PCDHA4: variants seen among roughly 807,000 people sequenced by gnomAD.
PCDHA4 encodes the protein protocadherin alpha 4.
PCDHA4 carries 49 observed loss-of-function variants against 61.4 expected under a neutral mutation model. That is an observed-to-expected ratio of 0.80 (90% CI 0.63 to 1.01). PCDHA4 has a LOEUF of 1.01. PCDHA4 is among the 50% of genes least tolerant of loss of function. The pLI is 0.00. For missense variants in PCDHA4, 1,254 were observed against 1,235.8 expected (o/e 1.01, Z -0.22); for synonymous variants, 590 against 550.3 (o/e 1.07, Z -1.01).
At chr5:140,928,374 C>A in intron 1 of PCDHA4, 1 of 1,614,172 alleles carries the variant, frequency 6.2e-7, no homozygotes, top group Non-Finnish European at 8.5e-7. Context: ...GGCCATCAGC[C>A]TCTAGCTTGC....
intron 1 of PCDHA4, among the ~76,000 whole-genome samples, chr5:140,905,599 G>A (rs782355615): frequency 2.0e-5 from 3 of 152,096 alleles, no homozygotes; most frequent in Non-Finnish European, 2.9e-5. Context: ...GCTGGGAATT[G>A]CATTGAATCT....
chr5:140,815,446 C>T (rs1765729600), intron 1 of PCDHA4: 1 of 152,060 alleles, frequency 6.6e-6, no homozygotes, highest in Non-Finnish European at 1.5e-5. Context: ...TTACTACAAT[C>T]ACAAAACAAA....
In PCDHA4 at chr5:140,843,704, C is replaced by T. The variant is rs930917896; in HGVS notation, c.2385+34132C>T. On this transcript the variant is annotated intron_variant, in intron 1 of 3. Transcript: ENST00000530339. ...CGAAGAGCAAGATTTAAATGTTGAT[C>T]ATGGCCTCAAAGTAAGTCCATTTAA... The T allele has an allele frequency of 1.2e-5, 19 of 1,580,086 alleles. 1 individual carries two copies. The highest frequency in any genetic ancestry group is 1.7e-5 in the Non-Finnish European group (19 of 1,151,352).
intron 1 of PCDHA4, among the ~76,000 whole-genome samples, chr5:140,897,805 A>G (rs1216400632): frequency 6.6e-6 from 1 of 152,172 alleles, no homozygotes; most frequent in Non-Finnish European, 1.5e-5. Context: ...AGTCCCACCA[A>G]CAGTGTAAAA....
At position 140,849,854 on chromosome 5, in the gene PCDHA4, A is replaced by T. The variant is rs1431626107; in HGVS notation, c.2385+40282A>T. 3.8e-6 allele frequency: 6 copies of T among 1,598,364 alleles called. 1 individual carries two copies. Among genetic ancestry groups the T allele is most frequent in the East Asian group, 2.2e-5 (1 of 44,850 alleles). On this transcript the variant is annotated intron_variant, in intron 1 of 3. Coordinates refer to ENST00000530339, the MANE Select transcript of PCDHA4 (RefSeq NM_018907.4). ...TGGCCGACGTGAACGACAACGCACC[A>T]GCGTTCGCGCAGTCCGAGTACACGG...
intron 1 of PCDHA4, among the ~76,000 whole-genome samples, chr5:140,962,051 T>G (rs1352018533): frequency 6.6e-6 from 1 of 151,838 alleles, no homozygotes; most frequent in East Asian, 1.9e-4. Context: ...GCCTGGCTAA[T>G]TTTTTTGTAT....
intron 1 of PCDHA4, among the ~76,000 whole-genome samples, chr5:140,944,665 A>G (rs782357699): frequency 1.1e-4 from 17 of 152,138 alleles, no homozygotes; most frequent in Non-Finnish European, 2.5e-4. Flanking sequence ...CCCCTTATTT[A>G]TCTATTCTGT....
chr5:140,959,578 A>G (rs1554224156), intron 1 of PCDHA4, among the ~76,000 whole-genome samples: 1 of 152,188 alleles, frequency 6.6e-6, no homozygotes, highest in Non-Finnish European at 1.5e-5. Flanking sequence ...TTTTGTTTCA[A>G]TTCTATCAGC....
chr5:140,869,346 T>C (rs781810947), intron 1 of PCDHA4: 4 of 1,614,054 alleles, frequency 2.5e-6, no homozygotes, highest in Non-Finnish European at 2.5e-6. Context: ...ATCTGCAGAA[T>C]GGCATTTTGT....
intron 1 of PCDHA4, among the ~76,000 whole-genome samples, chr5:140,909,547 C>T (rs2074573960): frequency 1.3e-5 from 2 of 152,278 alleles, no homozygotes; most frequent in Non-Finnish European, 2.9e-5. Context: ...GATGGTGGCA[C>T]TAATCTCTGC....
chr5:140,877,634 T>C, intron 1 of PCDHA4: 1 of 1,613,738 alleles, frequency 6.2e-7, no homozygotes, highest in Non-Finnish European at 8.5e-7. Context: ...TACACTGCGC[T>C]GCGTTGCTCA....
At position 140,957,203 on chromosome 5, in the gene PCDHA4, A is replaced by T. The variant is rs921844658; in HGVS notation, c.2386-21746A>T. 3.3e-5 allele frequency among the ~76,000 whole-genome samples: 5 copies of T among 152,184 alleles called. 1 individual carries two copies. In the South Asian group the frequency reaches 6.2e-4, roughly 19 times the overall value. ...TATTGATGACCGATTGGGAATATAAATAGGCACAAAAATTTGGCGAAGCAT... is the reference window on the plus strand; with the variant it reads ...TATTGATGACCGATTGGGAATATAATTAGGCACAAAAATTTGGCGAAGCAT... On this transcript the variant is annotated intron_variant, in intron 1 of 3. Transcript: ENST00000530339.
intron 1 of PCDHA4, chr5:140,851,511 T>C (rs2042080638): frequency 2.8e-5 from 25 of 901,700 alleles, no homozygotes; most frequent in Non-Finnish European, 3.2e-5. Flanking sequence ...ATATAAAATA[T>C]GTTTTAAAAT....
chr5:140,863,406 G>T, intron 1 of PCDHA4: 1 of 800,564 alleles, frequency 1.2e-6, no homozygotes, highest in South Asian at 1.3e-5. Flanking sequence ...GCAAGCCCAC[G>T]CTGGTGTACC....
intron 1 of PCDHA4, among the ~76,000 whole-genome samples, chr5:140,970,168 G>T (rs1050888983): frequency 6.6e-6 from 1 of 152,168 alleles, no homozygotes; most frequent in Non-Finnish European, 1.5e-5. Context: ...ACCTTTCTTG[G>T]CATACTCTGA....
intron 1 of PCDHA4, chr5:140,883,270 T>C: frequency 6.2e-7 from 1 of 1,614,106 alleles, no homozygotes; most frequent in Non-Finnish European, 8.5e-7. Flanking sequence ...CGGGTCATTG[T>C]ACCCTTTTGG....
chr5:141,004,037 G>C (rs946974688), intron 3 of PCDHA4, among the ~76,000 whole-genome samples: 1 of 152,200 alleles, frequency 6.6e-6, no homozygotes, highest in African/African-American at 2.4e-5. Context: ...TTCCTTGATT[G>C]ATCATTTGCT....
chr5:140,999,987 G>T (rs1033618024), intron 3 of PCDHA4, among the ~76,000 whole-genome samples: 6 of 152,042 alleles, frequency 3.9e-5, no homozygotes, highest in Non-Finnish European at 7.4e-5. Context: ...CGGCCTCTGG[G>T]TAGTGGTATT....
In PCDHA4 at chr5:140,853,662, T is replaced by C. The variant is rs1319921056; in HGVS notation, c.2385+44090T>C. The C allele has an allele frequency of 3.4e-5, 34 of 988,522 alleles. 1 individual carries two copies. In the African/African-American group the frequency reaches 3.9e-4, roughly 11 times the overall value. 61.2% of individuals were successfully genotyped at this position (988,522 alleles called of 1,614,324 possible). ...CTAAATTGAGCCTGTTCCAGACAAA[T>C]TGGGGCCTATGGTCAACCTATCCTT... On this transcript the variant is annotated intron_variant, in intron 1 of 3. Coordinates refer to ENST00000530339, the MANE Select transcript of PCDHA4 (RefSeq NM_018907.4).
Sources: gnomAD v4.1 joint callset for allele counts (sites outside exome capture counted in the v4.1 genomes callset) on GRCh38, gnomAD v4.1.1 for gene constraint, MANE v1.5 for transcripts, NCBI Gene and HGNC (gene_info 2026-07-23, HGNC 2026-07-21) for gene names.